ADGRV1: variants seen among roughly 807,000 people sequenced by gnomAD.
ADGRV1 encodes the protein adhesion G protein-coupled receptor V1, also known as G-protein coupled receptor 98.
Under a neutral mutation model 596.2 loss-of-function variants are expected in ADGRV1, and 359 were observed. The ratio of observed to expected loss-of-function variants is 0.60; its 90% CI spans 0.55 to 0.66. The LOEUF is 0.66. Ranked by LOEUF, ADGRV1 falls within the 30% of genes least tolerant of loss-of-function variation. The probability of loss-of-function intolerance (pLI) is 0.00; values close to 1 mark genes in which losing one functional copy is unlikely to be tolerated. For missense variants in ADGRV1, 7,274 were observed against 7,575.6 expected, an observed-to-expected ratio of 0.96 and a Z score of 1.48; for synonymous variants, 2,681 against 2,679.2, an observed-to-expected ratio of 1.00 and a Z score of -0.02.
intron 49 of ADGRV1, 37 bp downstream of exon 49, chr5:90,728,970 A>G: frequency 7.2e-7 from 1 of 1,390,150 alleles, no homozygotes; most frequent in Non-Finnish European, 9.8e-7. Flanking sequence ...ATATATAATT[A>G]TTGAAATCAT....
At chr5:90,908,918 T>A (rs1399228028) in intron 83 of ADGRV1, among the ~76,000 whole-genome samples, 1 of 152,112 alleles carries the variant, frequency 6.6e-6, no homozygotes, top group African/African-American at 2.4e-5. Context: ...AACGGTGTGT[T>A]GAGATTGTTA....
chr5:90,820,366 A>G (rs1333998925), intron 75 of ADGRV1, among the ~76,000 whole-genome samples: 1 of 146,750 alleles, frequency 6.8e-6, no homozygotes, highest in Non-Finnish European at 1.5e-5. Context: ...TTGACTCTTT[A>G]TCCAATTTGC....
chr5:90,783,731 C>A, intron 66 of ADGRV1, 107 bp from the exon 67 acceptor site: 1 of 741,294 alleles, frequency 1.3e-6, no homozygotes, highest in East Asian at 2.7e-5. Flanking sequence ...TGTGTGACTA[C>A]TGTGCCTTGA....
chr5:90,832,148 G>A (rs1764581024), intron 77 of ADGRV1, among the ~76,000 whole-genome samples: 1 of 152,032 alleles, frequency 6.6e-6, no homozygotes, highest in Non-Finnish European at 1.5e-5. Flanking sequence ...TTATATGGTA[G>A]CTTTATTTTT....
At chr5:90,998,116 G>A (rs1781563297) in intron 85 of ADGRV1, among the ~76,000 whole-genome samples, 1 of 152,126 alleles carries the variant, frequency 6.6e-6, no homozygotes, top group African/African-American at 2.4e-5. Flanking sequence ...CTGCACTCAT[G>A]TTTGACATAA....
At chr5:90,641,762 T>C (rs542524450) in intron 11 of ADGRV1, among the ~76,000 whole-genome samples, 22 of 152,300 alleles carry the variant, frequency 1.4e-4, no homozygotes, top group Admixed American at 3.9e-4. Flanking sequence ...TTTGGTTCAA[T>C]AGGACGTGAC....
At chr5:90,788,647 G>A (rs144144466) in intron 68 of ADGRV1, among the ~76,000 whole-genome samples, 1 of 152,262 alleles carries the variant, frequency 6.6e-6, no homozygotes, top group African/African-American at 2.4e-5. Flanking sequence ...TTCAGGGAAT[G>A]TAAAAATTAT....
intron 83 of ADGRV1, among the ~76,000 whole-genome samples, chr5:90,936,425 T>C (rs1422812304): frequency 6.6e-6 from 1 of 152,158 alleles, no homozygotes; most frequent in African/African-American, 2.4e-5. Flanking sequence ...ATTGAATCTA[T>C]AAAAATCTTC....
chr5:90,691,194 C>G, intron 31 of ADGRV1, 153 bp downstream of exon 31: 1 of 987,468 alleles, frequency 1.0e-6, no homozygotes, highest in Non-Finnish European at 1.6e-6. Context: ...GTGATCCTTA[C>G]AGTTGACAAA....
chr5:90,789,953 A>G lies in ADGRV1; in HGVS notation c.14043+102A>G, dbSNP rs1014239876. 6.0e-6 allele frequency: 5 copies of G among 827,524 alleles called. No homozygotes were observed. In the African/African-American group the frequency reaches 8.9e-5, roughly 15 times the overall value. The allele number at this position is 827,524 out of a possible 1,614,324, so 51.3% of individuals were successfully genotyped here. On this transcript the variant is annotated intron_variant, in intron 69 of 89. Transcript: ENST00000405460. ...GTTCTAGTTAATTAAAGTTTTTGAT[A>G]AACTAAAGTTACGTGAGTTTTCAGA...
At chr5:90,860,341 C>T (rs940457958) in intron 82 of ADGRV1, among the ~76,000 whole-genome samples, 1 of 151,854 alleles carries the variant, frequency 6.6e-6, no homozygotes, top group East Asian at 1.9e-4. Flanking sequence ...GCTCTTGTTG[C>T]CCAGGCTGGA....
At chr5:90,644,656 T>A in intron 14 of ADGRV1, 50 bp from the exon 15 acceptor site, 1 of 1,458,082 alleles carries the variant, frequency 6.9e-7, no homozygotes, top group Non-Finnish European at 9.3e-7. Flanking sequence ...CTCATCATTT[T>A]AAAAGTTTCG....
chr5:90,907,295 C>A (rs187055176), intron 83 of ADGRV1, among the ~76,000 whole-genome samples: 1 of 152,224 alleles, frequency 6.6e-6, no homozygotes, highest in African/African-American at 2.4e-5. Context: ...TGGTTGGATT[C>A]ACATATTGTC....
intron 20 of ADGRV1, chr5:90,654,310 A>G: frequency 3.6e-6 from 1 of 279,334 alleles, no homozygotes; most frequent in South Asian, 4.0e-5. Flanking sequence ...AGAGGAATGA[A>G]CAAAGGAATA....
chr5:90,877,412 T>G (rs1467281460), intron 83 of ADGRV1, among the ~76,000 whole-genome samples: 1 of 152,128 alleles, frequency 6.6e-6, no homozygotes, highest in Non-Finnish European at 1.5e-5. Flanking sequence ...AAATGAGAAT[T>G]TTTTGGAAAG....
chr5:90,595,447 C>T (rs1760258595), intron 1 of ADGRV1, among the ~76,000 whole-genome samples: 1 of 50,246 alleles, frequency 2.0e-5, no homozygotes, highest in Admixed American at 1.3e-4. Context: ...CTGACCCCCC[C>T]ACCTCCTTCC....
At position 90,653,252 on chromosome 5, in the gene ADGRV1, C is replaced by A; in HGVS notation, c.3678C>A (p.Leu1226=). The A allele has an allele frequency of 6.2e-7, 1 of 1,613,412 alleles. No individual in the cohort carries two copies. Among genetic ancestry groups the A allele is most frequent in the Non-Finnish European group, 8.5e-7 (1 of 1,179,516 alleles). ...GPGGQLAETN[L]QVTVMVPFND... is the part of the protein sequence containing the mutation. ...GGGGCCAGCTAGCAGAAACCAACCT[C>A]CAGGTGACAGTAATGGTTCCATTCA... Residue 1226 remains leucine (L), a synonymous_variant, in exon 20 of 90, where the codon CTC becomes CTA. Coordinates refer to ENST00000405460, the MANE Select transcript of ADGRV1 (RefSeq NM_032119.4).
chr5:90,703,636 A>G (rs753290685), intron 34 of ADGRV1, 29 bp from the exon 35 acceptor site: 3 of 1,526,542 alleles, frequency 2.0e-6, no homozygotes, highest in Admixed American at 3.6e-5. Context: ...TCCATTAAGT[A>G]TTTATCAATT....
At chr5:91,120,529 A>C (rs1793219968) in intron 87 of ADGRV1, among the ~76,000 whole-genome samples, 1 of 152,096 alleles carries the variant, frequency 6.6e-6, no homozygotes, top group Non-Finnish European at 1.5e-5. Context: ...TTCTACACTG[A>C]ACATTTTTTT....
Sources: allele counts gnomAD v4.1 joint callset (sites outside exome capture counted in the v4.1 genomes callset), GRCh38; gene constraint gnomAD v4.1.1; transcripts MANE v1.5; gene names NCBI Gene and HGNC (gene_info 2026-07-23, HGNC 2026-07-21).